BRCA2: variants seen among roughly 807,000 people sequenced by gnomAD.
The protein encoded by BRCA2 is BRCA2 DNA repair associated.
BRCA2 carries 203 observed loss-of-function variants against 276.7 expected under a neutral mutation model. The ratio of observed to expected loss-of-function variants is 0.73; its 90% CI spans 0.65 to 0.82. The LOEUF is 0.82. BRCA2 is among the 40% of genes least tolerant of loss of function. The pLI, the probability that BRCA2 is intolerant of heterozygous loss-of-function variation, is 0.00. For synonymous variants in BRCA2, 1,289 were observed against 1,338.4 expected, an observed-to-expected ratio of 0.96 and a Z score of 0.81; for missense variants, 3,920 against 3,915.0, an observed-to-expected ratio of 1.00 and a Z score of -0.03.
At chr13:32,353,796 A>G (rs1007328630) in intron 13 of BRCA2, among the ~76,000 whole-genome samples, 2 of 152,198 alleles carry the variant, frequency 1.3e-5, no homozygotes, top group African/African-American at 2.4e-5. Context: ...TTTCAACAAG[A>G]TATCAAGTAT....
intron 9 of BRCA2, among the ~76,000 whole-genome samples, 171 bp from the exon 10 acceptor site, chr13:32,332,101 G>A (rs1356710967): frequency 1.8e-4 from 28 of 152,060 alleles, no homozygotes; most frequent in Admixed American, 1.8e-3. Context: ...ACAGGAGAAG[G>A]GGTGACTGAC....
rs1042226597 is a variant in BRCA2, at chr13:32,388,785, C to G, written c.9257-5904C>G. On this transcript the variant is annotated intron_variant, in intron 24 of 26. Coordinates refer to ENST00000380152, the MANE Select transcript of BRCA2 (RefSeq NM_000059.4). ...TTCGATCCTTTTGTTTTTAATCTACCTTTGTCGAATTTAAAGTGAGTTTCC... is the reference window on the plus strand; with the variant it reads ...TTCGATCCTTTTGTTTTTAATCTACGTTTGTCGAATTTAAAGTGAGTTTCC... Among the ~76,000 whole-genome samples, 3 of 151,580 alleles carry G rather than the reference C, an allele frequency of 2.0e-5. No individual in the cohort carries two copies. In the East Asian group the frequency reaches 5.8e-4, roughly 29 times the overall value.
At chr13:32,373,471 A>G (rs543238594) in intron 20 of BRCA2, among the ~76,000 whole-genome samples, 3 of 151,976 alleles carry the variant, frequency 2.0e-5, no homozygotes, top group Admixed American at 6.5e-5. Context: ...ACACCACTGC[A>G]CTCTAGCCTG....
intron 4 of BRCA2, 30 bp from the exon 5 acceptor site, chr13:32,326,071 A>G: frequency 6.3e-7 from 1 of 1,588,694 alleles, no homozygotes; most frequent in Non-Finnish European, 8.6e-7. Flanking sequence ...TTTTAAAATA[A>G]CCTAAGGGAT....
At position 32,344,547 on chromosome 13, in the gene BRCA2, T is replaced by C; in HGVS notation, c.6842-11T>C. 1 of 1,478,748 alleles carries C rather than the reference T, an allele frequency of 6.8e-7. No individual in the cohort carries two copies. Among genetic ancestry groups the C allele is most frequent in the Non-Finnish European group, 9.4e-7 (1 of 1,062,976 alleles). 91.6% of individuals were successfully genotyped at this position (1,478,748 alleles called of 1,614,324 possible). On this transcript the variant is annotated splice_polypyrimidine_tract_variant and intron_variant, in intron 11 of 26. Coordinates refer to ENST00000380152, the MANE Select transcript of BRCA2 (RefSeq NM_000059.4). ...TTGCCTTAAAAACATATATGAAATA[T>C]TTCTTTTTAGGAGAACCCTCAATCA... is the stretch of plus-strand genomic sequence containing the variant.
At position 32,337,891 on chromosome 13, in the gene BRCA2, G is replaced by A. The variant is rs397507674; in HGVS notation, c.3536G>A (p.Ser1179Asn). 1 of 1,614,124 alleles carries A rather than the reference G, an allele frequency of 6.2e-7. No homozygotes were observed. The highest frequency in any genetic ancestry group is 1.7e-5 in the Admixed American group (1 of 60,024). The change falls in exon 11 of 27, where the codon AGC (serine) becomes AAC (asparagine). Residue 1179 changes from serine to asparagine, a missense_variant. Physicochemically the swap from Ser to Asn is conservative, Grantham distance 46. Coordinates refer to ENST00000380152, the MANE Select transcript of BRCA2 (RefSeq NM_000059.4). ...NAPSIGQVDS[S>N]KQFEGTVEIK... ...CCATCGATTGGTCAGGTAGACAGCA[G>A]CAAGCAATTTGAAGGTACAGTTGAA...
chr13:32,318,066 TG>T (rs1158583793), intron 2 of BRCA2, among the ~76,000 whole-genome samples: 1 of 152,202 alleles, frequency 6.6e-6, no homozygotes, highest in African/African-American at 2.4e-5. Context: ...TACATTAAAC[TG>T]GCATTATTAT....
chr13:32,370,559 T>C lies in BRCA2; in HGVS notation c.8487+2T>C, dbSNP rs886040944. ...ATTCAAAGAGCATACCCTATACAGG[T>C]ATGATGTATTCTTGAAACTTACCAT... On this transcript the variant is annotated splice_donor_variant, in intron 19 of 26. Transcript: ENST00000380152. LOFTEE classifies it high-confidence loss of function. 1 of 1,609,606 alleles carries C rather than the reference T, an allele frequency of 6.2e-7. No homozygotes were observed. Among genetic ancestry groups the C allele is most frequent in the Non-Finnish European group, 8.5e-7 (1 of 1,175,900 alleles).
At chr13:32,325,782 C>T (rs1393408013) in intron 4 of BRCA2, among the ~76,000 whole-genome samples, 2 of 152,026 alleles carry the variant, frequency 1.3e-5, no homozygotes, top group African/African-American at 2.4e-5. Context: ...CCTCGTGATC[C>T]GCCCGCCTCA....
At chr13:32,372,438 C>T (rs1028494094) in intron 20 of BRCA2, among the ~76,000 whole-genome samples, 10 of 152,170 alleles carry the variant, frequency 6.6e-5, no homozygotes, top group African/African-American at 1.9e-4. Context: ...AGGAAACTTA[C>T]AATCATGGCG....
Position 32,376,644 on chromosome 13 carries a change from A to G in BRCA2, c.8633-26A>G, listed in dbSNP as rs56268579. 1.4e-4 allele frequency: 218 copies of G among 1,611,900 alleles called. No homozygotes were observed. In the East Asian group the frequency reaches 3.6e-3, roughly 27 times the overall value. ...TTGCTTTTGAATTTACAGTTTAGTGAATTAATAATCCTTTTGTTTTCTTAG... is the reference window on the plus strand; with the variant it reads ...TTGCTTTTGAATTTACAGTTTAGTGGATTAATAATCCTTTTGTTTTCTTAG... On this transcript the variant is annotated intron_variant, in intron 20 of 26. Coordinates refer to ENST00000380152, the MANE Select transcript of BRCA2 (RefSeq NM_000059.4).
intron 12 of BRCA2, 53 bp downstream of exon 12, chr13:32,344,706 A>C: frequency 7.7e-7 from 1 of 1,296,806 alleles, no homozygotes; most frequent in South Asian, 1.2e-5. Context: ...TATGGTATAT[A>C]ATATTCTGAC....
chr13:32,375,529 T>A (rs1365105102), intron 20 of BRCA2: 2 of 250,716 alleles, frequency 8.0e-6, no homozygotes, highest in Non-Finnish European at 1.6e-5. Flanking sequence ...ATCAGAGAAA[T>A]CACTATGGCA....
At position 32,366,926 on chromosome 13, in the gene BRCA2, G is replaced by T. The variant is rs551386814; in HGVS notation, c.8331+3393G>T. Among the ~76,000 whole-genome samples the T allele has an allele frequency of 2.0e-5, 3 of 151,110 alleles. No homozygotes were observed. The East Asian group carries it at 5.9e-4, about 29-fold the overall frequency. On this transcript the variant is annotated intron_variant, in intron 18 of 26. Coordinates refer to ENST00000380152, the MANE Select transcript of BRCA2 (RefSeq NM_000059.4). Reference sequence around the variant, plus strand: ...AGTGAGTAACCCTAGCTCTCAGACTGTTTTCTAAGTACTGTTTTCTCTTAA... The same window carrying T: ...AGTGAGTAACCCTAGCTCTCAGACTTTTTTCTAAGTACTGTTTTCTCTTAA...
chr13:32,366,284 G>A (rs899203192), intron 18 of BRCA2, among the ~76,000 whole-genome samples: 2 of 152,164 alleles, frequency 1.3e-5, no homozygotes, highest in Non-Finnish European at 2.9e-5. Context: ...GCTATTGTTA[G>A]TAATCATATT....
intron 7 of BRCA2, among the ~76,000 whole-genome samples, chr13:32,327,621 G>GATC (rs2072359451): frequency 6.7e-6 from 1 of 148,972 alleles, no homozygotes; most frequent in Non-Finnish European, 1.5e-5. Flanking sequence ...AGTGATCTGA[G>GATC]ATCATCACGC....
intron 13 of BRCA2, among the ~76,000 whole-genome samples, chr13:32,354,254 A>G (rs1343825099): frequency 6.6e-6 from 1 of 152,212 alleles, no homozygotes; most frequent in African/African-American, 2.4e-5. Flanking sequence ...GGGAGAAATG[A>G]GAGTTTATTG....
chr13:32,322,374 CAG>C (rs2072311778), intron 3 of BRCA2, among the ~76,000 whole-genome samples: 1 of 152,154 alleles, frequency 6.6e-6, no homozygotes, highest in Non-Finnish European at 1.5e-5. Context: ...AGTGGGAAAT[CAG>C]GGGTCTCACA....
At chr13:32,367,820 G>A (rs1380346706) in intron 18 of BRCA2, among the ~76,000 whole-genome samples, 1 of 151,454 alleles carries the variant, frequency 6.6e-6, no homozygotes, top group Non-Finnish European at 1.5e-5. Flanking sequence ...ACAAAAACTA[G>A]GTAAAAGGAG....
Sources: gnomAD v4.1 joint callset for allele counts (sites outside exome capture counted in the v4.1 genomes callset) on GRCh38, gnomAD v4.1.1 for gene constraint, MANE v1.5 for transcripts, NCBI Gene and HGNC (gene_info 2026-07-23, HGNC 2026-07-21) for gene names.